Variants in PTBP3 observed in about 807,000 individuals in gnomAD.
The protein encoded by PTBP3 is polypyrimidine tract binding protein 3.
In PTBP3, 20 loss-of-function variants were observed where a neutral mutation model predicts 58.7. The observed-to-expected ratio is 0.34, with a 90% CI of 0.24 to 0.50. The LOEUF is 0.50. Among genes scored for constraint, PTBP3 ranks in the 20% least tolerant of loss-of-function variants. PTBP3 has a pLI of 0.98. For missense variants in PTBP3, 509 were observed against 637.2 expected (o/e 0.80, Z 2.17); for synonymous variants, 185 against 219.8 (o/e 0.84, Z 1.40).
intron 1 of PTBP3, among the ~76,000 whole-genome samples, chr9:112,314,645 A>G (rs1312944287): frequency 6.6e-6 from 1 of 152,230 alleles, no homozygotes; most frequent in African/African-American, 2.4e-5. Flanking sequence ...CTAGAGAGCG[A>G]GACCCTGTCT....
At chr9:112,305,520 A>T (rs1829145155) in intron 1 of PTBP3, among the ~76,000 whole-genome samples, 1 of 152,192 alleles carries the variant, frequency 6.6e-6, no homozygotes, top group Non-Finnish European at 1.5e-5. Flanking sequence ...CTACTGCCAC[A>T]CACTGATGCT....
At chr9:112,328,058 A>G (rs1367525663) in intron 1 of PTBP3, among the ~76,000 whole-genome samples, 3 of 152,244 alleles carry the variant, frequency 2.0e-5, no homozygotes, top group Non-Finnish European at 4.4e-5. Flanking sequence ...ATTATACTAC[A>G]GAGTATTTTC....
Position 112,223,943 on chromosome 9 carries a change from C to T in PTBP3, c.1483G>A (p.Glu495Lys). ...TCAATGAGGGCCTGAATTGCTTCTTCCACAGATCCCAATTGAATGAGCGCC... is the reference window on the plus strand; with the variant it reads ...TCAATGAGGGCCTGAATTGCTTCTTTCACAGATCCCAATTGAATGAGCGCC... The part of the protein sequence containing the change: ...KMALIQLGSV[E>K]EAIQALIELH... The change falls in exon 14 of 14, where the codon GAA becomes AAA. Residue 495 changes from glutamate to lysine, a missense_variant. Physicochemically the swap from Glu to Lys is moderately conservative, Grantham distance 56. This residue lies in a region of PTBP3 where 135 missense variants were observed against 229.0 expected (regional missense o/e 0.59). Coordinates refer to ENST00000374257, the MANE Select transcript of PTBP3 (RefSeq NM_001163788.4). 1 of 1,613,426 alleles carries T rather than the reference C, an allele frequency of 6.2e-7. No individual in the cohort carries two copies. The highest frequency in any genetic ancestry group is 1.1e-5 in the South Asian group (1 of 91,012).
intron 12 of PTBP3, among the ~76,000 whole-genome samples, chr9:112,224,522 T>C (rs1362036282): frequency 2.0e-5 from 3 of 152,254 alleles, no homozygotes; most frequent in Non-Finnish European, 1.5e-5. Flanking sequence ...GTCATACCAC[T>C]GGCTTTAGTA....
chr9:112,274,028 C>T (rs769982305), intron 3 of PTBP3, among the ~76,000 whole-genome samples: 9 of 152,150 alleles, frequency 5.9e-5, no homozygotes, highest in Non-Finnish European at 1.3e-4. Flanking sequence ...GCCATGTGGT[C>T]TCTGTTCAAA....
chr9:112,287,501 C>T (rs376410136), intron 2 of PTBP3, among the ~76,000 whole-genome samples: 59 of 151,864 alleles, frequency 3.9e-4, no homozygotes, highest in African/African-American at 1.1e-3. Context: ...CCACCACGCC[C>T]GGCTAATTTT....
chr9:112,332,623 A>T (rs1434694890), intron 1 of PTBP3, among the ~76,000 whole-genome samples: 1 of 152,164 alleles, frequency 6.6e-6, no homozygotes, highest in Non-Finnish European at 1.5e-5. Flanking sequence ...TGTTACTTTA[A>T]TTACCAAAAT....
intron 1 of PTBP3, among the ~76,000 whole-genome samples, chr9:112,311,843 G>A (rs1829493241): frequency 6.6e-6 from 1 of 152,190 alleles, no homozygotes; most frequent in African/African-American, 2.4e-5. Flanking sequence ...AGCTACATGG[G>A]AGGCTGAAGC....
intron 1 of PTBP3, among the ~76,000 whole-genome samples, chr9:112,318,946 G>A (rs1429327285): frequency 6.6e-6 from 1 of 151,398 alleles, no homozygotes; most frequent in Non-Finnish European, 1.5e-5. Context: ...TGACCAACAT[G>A]GAGAAATTCC....
chr9:112,347,797 CA>C, the PTBP3 span, among the ~76,000 whole-genome samples: 1 of 152,134 alleles, frequency 6.6e-6, no homozygotes, highest in African/African-American at 2.4e-5. Flanking sequence ...GTGGTTACTT[CA>C]GGGGAGGAGG....
Position 112,333,490 on chromosome 9 carries a change from G to A in PTBP3, c.-72C>T, listed in dbSNP as rs1830473268. On this transcript the variant is annotated 5_prime_UTR_variant, in exon 1 of 14. Coordinates refer to ENST00000374257, the MANE Select transcript of PTBP3 (RefSeq NM_001163788.4). ...CTTACCCATCCATGGCCCAGATGGA[G>A]GCGCGCACAGAGCAGGGACTGACGG... is the stretch of plus-strand genomic sequence containing the variant. 3.1e-6 allele frequency: 5 copies of A among 1,592,802 alleles called. No homozygotes were observed. In the East Asian group the frequency reaches 7.0e-5, roughly 22 times the overall value.
At chr9:112,235,773 G>A (rs1372298387) in intron 7 of PTBP3, among the ~76,000 whole-genome samples, 4 of 152,136 alleles carry the variant, frequency 2.6e-5, no homozygotes, top group Non-Finnish European at 2.9e-5. Context: ...GACAAGAAAT[G>A]AAGAAGGCTA....
intron 2 of PTBP3, among the ~76,000 whole-genome samples, chr9:112,277,537 T>C (rs1020562303): frequency 1.3e-5 from 2 of 151,900 alleles, no homozygotes; most frequent in Non-Finnish European, 2.9e-5. Flanking sequence ...ATTCTGGGGA[T>C]CCAGTATCAT....
chr9:112,238,757 C>T (rs1289756790), intron 7 of PTBP3, among the ~76,000 whole-genome samples: 1 of 152,072 alleles, frequency 6.6e-6, no homozygotes, highest in Non-Finnish European at 1.5e-5. Context: ...AGAATGGTAT[C>T]TTTAATACGC....
At chr9:112,315,301 A>G (rs1829657828) in intron 1 of PTBP3, among the ~76,000 whole-genome samples, 1 of 152,184 alleles carries the variant, frequency 6.6e-6, no homozygotes, top group Admixed American at 6.5e-5. Flanking sequence ...AAGCTTTAAA[A>G]AAAAAAAAAT....
At chr9:112,227,678 C>T in intron 11 of PTBP3, 51 bp from the exon 12 acceptor site, 1 of 1,299,320 alleles carries the variant, frequency 7.7e-7, no homozygotes, top group South Asian at 1.2e-5. Flanking sequence ...ATAGATTTCT[C>T]AGTAGTATCT....
intron 7 of PTBP3, among the ~76,000 whole-genome samples, chr9:112,236,179 C>A (rs916786927): frequency 2.5e-4 from 38 of 151,722 alleles, no homozygotes; most frequent in African/African-American, 8.7e-4. Context: ...AAATATGTAA[C>A]TAATTATAGT....
chr9:112,360,733 C>T, the PTBP3 span, among the ~76,000 whole-genome samples: 2 of 151,806 alleles, frequency 1.3e-5, no homozygotes, highest in South Asian at 2.1e-4. Context: ...CAGTAGGTTA[C>T]GATCCATTAA....
intron 7 of PTBP3, among the ~76,000 whole-genome samples, chr9:112,249,464 T>G (rs923138517): frequency 9.9e-5 from 15 of 152,188 alleles, no homozygotes; most frequent in South Asian, 6.2e-4. Flanking sequence ...GAGTGGTGTT[T>G]CAGAGGCCAA....
Sources: allele counts gnomAD v4.1 joint callset (sites outside exome capture counted in the v4.1 genomes callset), GRCh38; gene constraint gnomAD v4.1.1; regional missense constraint gnomAD v4.1.1; transcripts MANE v1.5; gene names NCBI Gene and HGNC (gene_info 2026-07-23, HGNC 2026-07-21).